FAM217A: variants seen among roughly 807,000 people sequenced by gnomAD.
The protein encoded by FAM217A is protein FAM217A.
In FAM217A, 13 loss-of-function variants were observed where a neutral mutation model predicts 18.5. The observed-to-expected ratio is 0.70, with a 90% confidence interval of 0.46 to 1.12. The LOEUF is 1.12. Among genes scored for constraint, FAM217A ranks in the 50% most tolerant of loss-of-function variants. The pLI is 0.00. For missense variants in FAM217A, 560 were observed against 575.4 expected (o/e 0.97, Z 0.27); for synonymous variants, 161 against 202.8 (o/e 0.79, Z 1.75).
At chr6:4,085,735 T>C (rs1770614927) in intron 1 of FAM217A, among the ~76,000 whole-genome samples, 1 of 152,206 alleles carries the variant, frequency 6.6e-6, no homozygotes, top group African/African-American at 2.4e-5. Context: ...TTGTTAGTTA[T>C]ATAACATATT....
chr6:4,087,195 GC>G (rs562110129), upstream of FAM217A: 568 of 612,496 alleles, frequency 9.3e-4, 2 homozygotes, highest in African/African-American at 0.01. Context: ...GGATACGCGC[GC>G]CCCCGCTTTC....
Position 4,073,439 on chromosome 6 carries a change from A to C in FAM217A, c.228T>G (p.Ser76Arg), listed in dbSNP as rs1769554649. 1 of 1,612,790 alleles carries C rather than the reference A, an allele frequency of 6.2e-7. No homozygotes were observed. Among genetic ancestry groups the C allele is most frequent in the East Asian group, 2.2e-5 (1 of 44,748 alleles). ...ATGAAGAATAAAATCCCACCTGTGT[A>C]CTTTTTTGACTATGCACCGACAAAT... ...EPNLSVHSQK[S>R]TQNSKQGIFQ... The change falls in exon 5 of 7, where the codon AGT becomes AGG. Residue 76 changes from serine to arginine, a missense_variant. Physicochemically the swap from Ser to Arg is moderately radical, Grantham distance 110. Coordinates refer to ENST00000274673, the MANE Select transcript of FAM217A (RefSeq NM_173563.3).
chr6:4,083,948 A>G (rs1581907100), upstream of FAM217A, among the ~76,000 whole-genome samples: 1 of 152,186 alleles, frequency 6.6e-6, no homozygotes, highest in Non-Finnish European at 1.5e-5. Context: ...GTTCTCAAAT[A>G]AGATGCTAAG....
At chr6:4,078,505 G>T (rs1396827924) in intron 1 of FAM217A, among the ~76,000 whole-genome samples, 2 of 152,224 alleles carry the variant, frequency 1.3e-5, no homozygotes, top group Non-Finnish European at 2.9e-5. Flanking sequence ...GTGTGTGCAT[G>T]CCAGACACTA....
At chr6:4,079,186 C>T (rs1561928642), upstream of FAM217A, 1 of 310,924 alleles carries the variant, frequency 3.2e-6, no homozygotes. Context: ...CCGGGGAGGC[C>T]CGGCGTTCCA....
chr6:4,071,172 C>G (rs184191102), intron 6 of FAM217A, among the ~76,000 whole-genome samples: 10 of 152,258 alleles, frequency 6.6e-5, no homozygotes, highest in African/African-American at 1.9e-4. Flanking sequence ...GGTTTGAACC[C>G]CTTTGCTACC....
chr6:4,077,177 T>C (rs989105561), intron 2 of FAM217A, among the ~76,000 whole-genome samples, 178 bp downstream of exon 2: 17 of 152,220 alleles, frequency 1.1e-4, no homozygotes, highest in African/African-American at 4.1e-4. Context: ...TTTCCCTTTG[T>C]TAAAAGAAAT....
chr6:4,074,904 T>C lies in FAM217A; in HGVS notation c.61-243A>G, dbSNP rs566633039. Among the ~76,000 whole-genome samples, 143 of 152,098 alleles carry C rather than the reference T, an allele frequency of 9.4e-4. 2 individuals carry two copies. The Middle Eastern group carries it at 0.024, about 25-fold the overall frequency. On this transcript the variant is annotated intron_variant, in intron 2 of 6. Coordinates refer to ENST00000274673, the MANE Select transcript of FAM217A (RefSeq NM_173563.3). Reference sequence around the variant, plus strand: ...CTTTTACAATAATTTGTGGTTTCGTTCACATTTTGTTAAATATAATAACAC... The same window carrying C: ...CTTTTACAATAATTTGTGGTTTCGTCCACATTTTGTTAAATATAATAACAC...
chr6:4,079,402 GC>G (rs1260038123), upstream of FAM217A: 64 of 311,108 alleles, frequency 2.1e-4, no homozygotes, highest in Admixed American at 2.6e-3. Flanking sequence ...TGAAGGGGCC[GC>G]CCCCGGCCTC....
chr6:4,076,608 G>A (rs1769810222), intron 2 of FAM217A, among the ~76,000 whole-genome samples: 1 of 152,074 alleles, frequency 6.6e-6, no homozygotes, highest in East Asian at 1.9e-4. Context: ...GCCAGGCATG[G>A]TAGCTCACAC....
chr6:4,069,714 CA>C lies in FAM217A; in HGVS notation c.508del (p.Cys170ValfsTer4), dbSNP rs1561920195. ...KNRNEIHVSS[C>X]STIENNDGET... The stretch of plus-strand genomic sequence containing the variant: ...ACCATCATTGTTTTCTATAGTTGAA[CA>C]TGAACTAACATGAATCTCATTTCTG... On this transcript the variant is annotated frameshift_variant, in exon 7 of 7. Coordinates refer to ENST00000274673, the MANE Select transcript of FAM217A (RefSeq NM_173563.3). LOFTEE classifies it low-confidence loss of function (END_TRUNC). 1 of 1,614,074 alleles carries C rather than the reference CA, an allele frequency of 6.2e-7. No individual in the cohort carries two copies. Among genetic ancestry groups the C allele is most frequent in the South Asian group, 1.1e-5 (1 of 91,078 alleles).
intron 1 of FAM217A, among the ~76,000 whole-genome samples, chr6:4,086,067 C>T (rs988881299): frequency 4.6e-5 from 7 of 151,360 alleles, no homozygotes; most frequent in African/African-American, 1.7e-4. Context: ...GTGAGCTGCA[C>T]TGCAGCCTGG....
exon 2 of FAM217A, chr6:4,084,584 G>A (rs977347342): frequency 3.4e-5 from 24 of 702,520 alleles, no homozygotes; most frequent in Non-Finnish European, 5.7e-5. Context: ...TTACTTTCTG[G>A]TGCCAGGAAA....
intron 2 of FAM217A, among the ~76,000 whole-genome samples, chr6:4,075,272 T>C (rs569717721): frequency 4.5e-4 from 69 of 152,292 alleles, no homozygotes; most frequent in Non-Finnish European, 9.4e-4. Context: ...AGGTGGAGGT[T>C]GCAGTGAGCT....
chr6:4,074,664 A>G lies in FAM217A; in HGVS notation c.61-3T>C. The G allele has an allele frequency of 6.3e-7, 1 of 1,592,226 alleles. No homozygotes were observed. The highest frequency in any genetic ancestry group is 1.1e-5 in the South Asian group (1 of 90,162). On this transcript the variant is annotated splice_polypyrimidine_tract_variant and splice_region_variant and intron_variant, in intron 2 of 6. Coordinates refer to ENST00000274673, the MANE Select transcript of FAM217A (RefSeq NM_173563.3). ...TCCAAATTCCAGTGAGATAAGTTCT[A>G]AAACAATATTTGTTTTAGGATAAAC...
chr6:4,080,770 C>T (rs1004402029), upstream of FAM217A, among the ~76,000 whole-genome samples: 21 of 152,226 alleles, frequency 1.4e-4, no homozygotes, highest in African/African-American at 4.6e-4. Flanking sequence ...CCAGGGCATA[C>T]ATCATTGTTA....
intron 2 of FAM217A, 44 bp downstream of exon 2, chr6:4,077,311 G>C (rs751219162): frequency 6.2e-7 from 1 of 1,604,878 alleles, no homozygotes; most frequent in Non-Finnish European, 8.5e-7. Flanking sequence ...GTTAGCAACA[G>C]GAGCCGCTGC....
Position 4,078,931 on chromosome 6 carries a change from C to A in FAM217A, c.-114G>T. The A allele has an allele frequency of 1.7e-6, 1 of 580,326 alleles. No individual in the cohort carries two copies. The highest frequency in any genetic ancestry group is 3.1e-6 in the Non-Finnish European group (1 of 323,838). 35.9% of individuals were successfully genotyped at this position (580,326 alleles called of 1,614,324 possible). A position where few individuals can be genotyped will look rare whatever the true frequency, so the allele number is the denominator to read the frequency against. On this transcript the variant is annotated 5_prime_UTR_variant, in exon 1 of 7. Coordinates refer to ENST00000274673, the MANE Select transcript of FAM217A (RefSeq NM_173563.3). The stretch of plus-strand genomic sequence containing the variant: ...GGCCCGAGCGCCTCCGCGTGCGTGG[C>A]TGACGGCTTGGAGGGCGCCCCCTCT...
In FAM217A at chr6:4,074,583, C is replaced by T; in HGVS notation, c.139G>A (p.Ala47Thr). Residue 47 changes from alanine to threonine, a missense_variant, in exon 3 of 7, where the codon GCA becomes ACA. Ala to Thr is a moderately conservative substitution (Grantham distance 58). Transcript: ENST00000274673. ...CACATCTAGGATTTCTTACCACCTGCTGCTCCATCCCTTCCAGCTGGGAGG... is the reference window on the plus strand; with the variant it reads ...CACATCTAGGATTTCTTACCACCTGTTGCTCCATCCCTTCCAGCTGGGAGG... ...KNLPAGRDGAAGGKINKNYLE... is the reference protein window; with the variant it reads ...KNLPAGRDGATGGKINKNYLE... 1 of 1,612,716 alleles carries T rather than the reference C, an allele frequency of 6.2e-7. No homozygotes were observed. The highest frequency in any genetic ancestry group is 8.5e-7 in the Non-Finnish European group (1 of 1,178,834).
Sources: gnomAD v4.1 joint callset for allele counts (sites outside exome capture counted in the v4.1 genomes callset) on GRCh38, gnomAD v4.1.1 for gene constraint, MANE v1.5 for transcripts, NCBI Gene and HGNC (gene_info 2026-07-23, HGNC 2026-07-21) for gene names.